DEFB113: variants seen among roughly 807,000 people sequenced by gnomAD.
DEFB113 encodes beta-defensin 113.
DEFB113 carries 5 observed loss-of-function variants against 2.5 expected under a neutral mutation model. The observed-to-expected ratio is 1.99, with a 90% CI of 1.04 to 4.18. The LOEUF (loss-of-function observed/expected upper bound fraction) is 4.18, where lower values mean the gene tolerates loss of function less well. DEFB113 is among the 30% of genes most tolerant of loss of function. The pLI is 0.00. For synonymous variants in DEFB113, 42 were observed against 31.6 expected (o/e 1.33, Z -1.11); for missense variants, 123 against 96.6 (o/e 1.27, Z -1.14).
In DEFB113 at chr6:49,968,813, A is replaced by T. The variant is rs780507485; in HGVS notation, c.113T>A (p.Val38Asp). Residue 38 changes from valine (V) to aspartate (D), a missense_variant, in exon 2 of 2, where the codon GTT becomes GAT. By Grantham distance (152) the Val-to-Asp change is radical. Coordinates refer to ENST00000398718, the MANE Select transcript of DEFB113 (RefSeq NM_001037729.1). ...VAERKRECQL[V>D]RGACKPECNS... ...GCATTCCGGCTTGCAAGCACCACGAACAAGCTGACATTCTCTTTTTCTCTC... is the reference window on the plus strand; with the variant it reads ...GCATTCCGGCTTGCAAGCACCACGATCAAGCTGACATTCTCTTTTTCTCTC... The T allele has an allele frequency of 5.6e-6, 9 of 1,602,988 alleles. No homozygotes were observed. The highest frequency in any genetic ancestry group is 7.7e-6 in the Non-Finnish European group (9 of 1,174,924).
chr6:49,969,017 A>G (rs750585782), intron 1 of DEFB113, 150 bp from the exon 2 acceptor site: 20 of 597,058 alleles, frequency 3.3e-5, no homozygotes, highest in Non-Finnish European at 5.0e-5. Flanking sequence ...CTCAGCTGGT[A>G]TAATATACTT....
At chr6:49,968,906 T>C in intron 1 of DEFB113, 39 bp from the exon 2 acceptor site, 1 of 1,547,262 alleles carries the variant, frequency 6.5e-7, no homozygotes. Context: ...CCAGATTTAA[T>C]ATCCTTAGAT....
In DEFB113 at chr6:49,968,851, T is replaced by G. The variant is rs1392062813; in HGVS notation, c.75A>C (p.Thr25=). ...SCGPSVPQKK[T]REVAERKREC... is the part of the protein sequence containing the mutation. ...CTCTTTTTCTCTCTGCAACTTCTCT[T>G]GTTTTTTTCTGTGGAACTAGGAAAA... Residue 25 remains threonine, a synonymous_variant, in exon 2 of 2, where the codon ACA becomes ACC. Coordinates refer to ENST00000398718, the MANE Select transcript of DEFB113 (RefSeq NM_001037729.1). 6.3e-7 allele frequency: 1 copy of G among 1,598,706 alleles called. No homozygotes were observed. Among genetic ancestry groups the G allele is most frequent in the Non-Finnish European group, 8.5e-7 (1 of 1,172,996 alleles).
At chr6:49,968,942 T>C in intron 1 of DEFB113, 75 bp from the exon 2 acceptor site, 1 of 1,381,668 alleles carries the variant, frequency 7.2e-7, no homozygotes, top group South Asian at 1.5e-5. Flanking sequence ...CTCTTTAAAA[T>C]GTAGAGTTAA....
In DEFB113 at chr6:49,968,699, G is replaced by T. The variant is rs755042267; in HGVS notation, c.227C>A (p.Thr76Asn). The change falls in exon 2 of 2, where the codon ACT (threonine) becomes AAT (asparagine). Residue 76 changes from threonine to asparagine, a missense_variant. Coordinates refer to ENST00000398718, the MANE Select transcript of DEFB113 (RefSeq NM_001037729.1). ...AATTTATTTTTGATGGAGTTTACTA[G>T]TGATTTTGTTAATGATTGGCTTTTG... ...EYQKPIINKITSKLHQK is the reference protein window; with the variant it reads ...EYQKPIINKINSKLHQK The T allele has an allele frequency of 1.3e-6, 2 of 1,501,732 alleles. No homozygotes were observed. 93.0% of individuals were successfully genotyped at this position (1,501,732 alleles called of 1,614,324 possible).
At chr6:49,968,909 C>T (rs780560699) in intron 1 of DEFB113, 42 bp from the exon 2 acceptor site, 3 of 1,536,394 alleles carry the variant, frequency 2.0e-6, no homozygotes, top group Middle Eastern at 1.7e-4. Context: ...GATTTAATAT[C>T]CTTAGATACA....
chr6:49,969,575 A>C lies in DEFB113; in HGVS notation c.51T>G (p.Gly17=), dbSNP rs199891605. Residue 17 remains glycine, a synonymous_variant, in exon 1 of 2, where the codon GGT becomes GGG. Transcript: ENST00000398718. The stretch of plus-strand genomic sequence containing the variant: ...TATAATAACAAATATTACCTGATGG[A>C]CCACAAGACACAGTGAAGACAAAGG... ...FLTFVFTVSC[G]PSVPQKKTRE... is the part of the protein sequence containing the mutation. 9.4e-6 allele frequency: 15 copies of C among 1,602,492 alleles called. No homozygotes were observed. In the African/African-American group the frequency reaches 2.0e-4, roughly 22 times the overall value.
At chr6:49,969,455 G>C in intron 1 of DEFB113, 113 bp downstream of exon 1, 1 of 684,708 alleles carries the variant, frequency 1.5e-6, no homozygotes, top group Non-Finnish European at 2.4e-6. Context: ...TGCCTTATAA[G>C]GAGTTCATAT....
In DEFB113 at chr6:49,969,600, G is replaced by A. The variant is rs376389712; in HGVS notation, c.26C>T (p.Thr9Ile). The change falls in exon 1 of 2, where the codon ACC becomes ATC. Residue 9 changes from threonine (T) to isoleucine (I), a missense_variant. Transcript: ENST00000398718. ...ACCACAAGACACAGTGAAGACAAAG[G>A]TCAGAAAAATACAAAGTATCTTCAT... is the stretch of plus-strand genomic sequence containing the variant. MKILCIFLTFVFTVSCGPS... is the reference protein window; with the variant it reads MKILCIFLIFVFTVSCGPS... 1.7e-5 allele frequency: 28 copies of A among 1,606,438 alleles called. No homozygotes were observed. In the African/African-American group the frequency reaches 3.0e-4, roughly 17 times the overall value.
rs760863177 is a variant in DEFB113 at position 49,968,875 on chromosome 6, A to T, written c.59-8T>A. On this transcript the variant is annotated splice_polypyrimidine_tract_variant and splice_region_variant and intron_variant, in intron 1 of 1. Coordinates refer to ENST00000398718, the MANE Select transcript of DEFB113 (RefSeq NM_001037729.1). The stretch of plus-strand genomic sequence containing the variant: ...TTGTTTTTTTCTGTGGAACTAGGAA[A>T]AAGTAGCTATGACCATAAGTCCAGA... The T allele has an allele frequency of 1.3e-6, 2 of 1,597,562 alleles. No homozygotes were observed. The highest frequency in any genetic ancestry group is 2.3e-5 in the South Asian group (2 of 88,168).
At chr6:49,969,494 T>G (rs1582341834) in intron 1 of DEFB113, 74 bp downstream of exon 1, 1 of 1,101,698 alleles carries the variant, frequency 9.1e-7, no homozygotes, top group African/African-American at 1.6e-5. Context: ...TTTATTTGTT[T>G]TTATTATTTT....
intron 1 of DEFB113, 102 bp from the exon 2 acceptor site, chr6:49,968,969 A>T (rs1040717444): frequency 5.4e-6 from 6 of 1,118,914 alleles, no homozygotes; most frequent in Middle Eastern, 4.4e-4. Flanking sequence ...TTGTTTCTGA[A>T]ATCATGCCCA....
rs377587500 is a variant in DEFB113, at chr6:49,968,796, G to T, written c.130C>A (p.Pro44Thr). 3.0e-5 allele frequency: 48 copies of T among 1,604,236 alleles called. No homozygotes were observed. In the Middle Eastern group the frequency reaches 1.3e-3, roughly 44 times the overall value. Residue 44 changes from proline (P) to threonine (T), a missense_variant, in exon 2 of 2, where the codon CCG (proline) becomes ACG (threonine). Transcript: ENST00000398718. ...ECQLVRGACK[P>T]ECNSWEYVYY... Reference sequence around the variant, plus strand: ...ACATATTCCCAGCTGTTGCATTCCGGCTTGCAAGCACCACGAACAAGCTGA... The same window carrying T: ...ACATATTCCCAGCTGTTGCATTCCGTCTTGCAAGCACCACGAACAAGCTGA...
Position 49,969,475 on chromosome 6 carries a change from TAAC to T in DEFB113, c.58+90_58+92del. 11 of 953,412 alleles carry T rather than the reference TAAC, an allele frequency of 1.2e-5. 1 individual carries two copies. The South Asian group carries it at 1.9e-4, about 17-fold the overall frequency. 59.1% of individuals were successfully genotyped at this position (953,412 alleles called of 1,614,324 possible). ...TATAAGGAGTTCATATGAAATCTCCTAACAATAATTTATTTGTTTTTATTATTT... is the reference window on the plus strand; with the variant it reads ...TATAAGGAGTTCATATGAAATCTCCTAATAATTTATTTGTTTTTATTATTT... On this transcript the variant is annotated intron_variant, in intron 1 of 1. Transcript: ENST00000398718.
chr6:49,969,010 A>T (rs757279195), intron 1 of DEFB113, 143 bp from the exon 2 acceptor site: 16 of 663,996 alleles, frequency 2.4e-5, no homozygotes, highest in Non-Finnish European at 3.2e-5. Context: ...TCCCTCTCTC[A>T]GCTGGTATAA....
chr6:49,968,756 T>C lies in DEFB113; in HGVS notation c.170A>G (p.Asn57Ser), dbSNP rs180815205. 2.7e-4 allele frequency: 429 copies of C among 1,595,444 alleles called. 3 individuals carry two copies. The highest frequency in any genetic ancestry group is 3.3e-4 in the Middle Eastern group (2 of 6,026). The part of the protein sequence containing the change: ...NSWEYVYYYC[N>S]VNPCCAVWEY... ...CCATACCGCACAGCAGGGGTTAACATTGCAGTAATAATATACATATTCCCA... is the reference window on the plus strand; with the variant it reads ...CCATACCGCACAGCAGGGGTTAACACTGCAGTAATAATATACATATTCCCA... The change falls in exon 2 of 2, where the codon AAT becomes AGT. Residue 57 changes from asparagine (N) to serine (S), a missense_variant. Coordinates refer to ENST00000398718, the MANE Select transcript of DEFB113 (RefSeq NM_001037729.1).
chr6:49,968,948 G>A (rs1319745302), intron 1 of DEFB113, 81 bp from the exon 2 acceptor site: 5 of 1,316,114 alleles, frequency 3.8e-6, no homozygotes, highest in Non-Finnish European at 5.0e-6. Flanking sequence ...AAAATGTAGA[G>A]TTAAACCATT....
chr6:49,968,725 G>C lies in DEFB113; in HGVS notation c.201C>G (p.Tyr67Ter). ...NVNPCCAVWE[Y>*]QKPIINKITS... ...TGATTTTGTTAATGATTGGCTTTTG[G>C]TATTCCCATACCGCACAGCAGGGGT... Residue 67 changes from tyrosine (Y) to a stop codon, truncating the protein, a stop_gained, in exon 2 of 2, where the codon TAC becomes TAG. Transcript: ENST00000398718. LOFTEE classifies it low-confidence loss of function (END_TRUNC). 6.5e-7 allele frequency: 1 copy of C among 1,534,748 alleles called. No individual in the cohort carries two copies. Among genetic ancestry groups the C allele is most frequent in the South Asian group, 1.3e-5 (1 of 79,248 alleles).
chr6:49,969,605 A>C lies in DEFB113; in HGVS notation c.21T>G (p.Phe7Leu), dbSNP rs920861000. The C allele has an allele frequency of 3.1e-6, 5 of 1,607,000 alleles. No individual in the cohort carries two copies. The highest frequency in any genetic ancestry group is 4.3e-6 in the Non-Finnish European group (5 of 1,175,348). ...AAGACACAGTGAAGACAAAGGTCAG[A>C]AAAATACAAAGTATCTTCATTGCTG... The part of the protein sequence containing the change: MKILCI[F>L]LTFVFTVSCG... The change falls in exon 1 of 2, where the codon TTT (phenylalanine) becomes TTG (leucine). Residue 7 changes from phenylalanine (F) to leucine (L), a missense_variant. By Grantham distance (22) the Phe-to-Leu change is conservative (BLOSUM62 0). Transcript: ENST00000398718.
Sources: allele counts gnomAD v4.1 joint callset, GRCh38; gene constraint gnomAD v4.1.1; transcripts MANE v1.5; gene names NCBI Gene and HGNC (gene_info 2026-07-23, HGNC 2026-07-21).